QRICH1: variants seen among roughly 807,000 people sequenced by gnomAD.
QRICH1 encodes glutamine rich 1.
QRICH1 carries 16 observed loss-of-function variants against 87.1 expected under a neutral mutation model. The ratio of observed to expected loss-of-function variants is 0.18; its 90% CI spans 0.12 to 0.28. QRICH1 has a LOEUF of 0.28. QRICH1 is among the 10% of genes least tolerant of loss of function. QRICH1 has a pLI of 1.00. For synonymous variants in QRICH1, 367 were observed against 368.4 expected, an observed-to-expected ratio of 1.00 and a Z score of 0.05; for missense variants, 647 against 951.7, an observed-to-expected ratio of 0.68 and a Z score of 4.21.
chr3:49,067,102 T>C (rs1375160947), intron 2 of QRICH1, among the ~76,000 whole-genome samples: 1 of 152,132 alleles, frequency 6.6e-6, no homozygotes, highest in Admixed American at 6.6e-5. Context: ...AAATGGCTAA[T>C]GTGGCTAATG....
chr3:49,049,550 A>G (rs2093358174), intron 3 of QRICH1, among the ~76,000 whole-genome samples: 1 of 151,822 alleles, frequency 6.6e-6, no homozygotes, highest in African/African-American at 2.4e-5. Context: ...CAGGCTGGAG[A>G]GCAGTGGCAT....
intron 1 of QRICH1, among the ~76,000 whole-genome samples, chr3:49,087,923 T>C (rs778839778): frequency 6.6e-6 from 1 of 151,088 alleles, no homozygotes; most frequent in Non-Finnish European, 1.5e-5. Context: ...ATTGATTTTT[T>C]TTCCATGTGA....
chr3:49,089,359 C>T (rs1472894011), intron 1 of QRICH1, among the ~76,000 whole-genome samples: 1 of 152,102 alleles, frequency 6.6e-6, no homozygotes, highest in African/African-American at 2.4e-5. Flanking sequence ...TGCACCCGGC[C>T]ATGGTTCTAT....
chr3:49,045,162 A>G (rs569196214), intron 5 of QRICH1, among the ~76,000 whole-genome samples: 1 of 152,290 alleles, frequency 6.6e-6, no homozygotes, highest in Non-Finnish European at 1.5e-5. Flanking sequence ...ACCTAACTAC[A>G]TTGGTATATT....
intron 2 of QRICH1, among the ~76,000 whole-genome samples, chr3:49,075,671 T>C (rs1406074666): frequency 2.6e-5 from 4 of 152,060 alleles, no homozygotes; most frequent in African/African-American, 7.2e-5. Context: ...CTGGGCATGG[T>C]GGCTCACACC....
intron 1 of QRICH1, among the ~76,000 whole-genome samples, chr3:49,083,866 C>T (rs1257527946): frequency 6.7e-6 from 1 of 150,324 alleles, no homozygotes; most frequent in African/African-American, 2.4e-5. Flanking sequence ...GAGGCACAAT[C>T]TTGGCTCACT....
At chr3:49,082,475 A>G (rs1404668457) in intron 1 of QRICH1, among the ~76,000 whole-genome samples, 2 of 152,152 alleles carry the variant, frequency 1.3e-5, no homozygotes, top group African/African-American at 4.8e-5. Context: ...TAGTCCAAAT[A>G]TACATTTATT....
At chr3:49,091,562 T>C (rs1170855503) in intron 1 of QRICH1, among the ~76,000 whole-genome samples, 1 of 152,200 alleles carries the variant, frequency 6.6e-6, no homozygotes, top group Non-Finnish European at 1.5e-5. Flanking sequence ...TAGTTTGAAA[T>C]GGCAACATAA....
At chr3:49,034,588 A>G (rs1016114875) in intron 6 of QRICH1, among the ~76,000 whole-genome samples, 3 of 152,190 alleles carry the variant, frequency 2.0e-5, no homozygotes, top group African/African-American at 7.2e-5. Context: ...TTAGAAATAC[A>G]GGCGTGAACC....
chr3:49,077,386 T>C (rs2041971078), intron 1 of QRICH1, among the ~76,000 whole-genome samples: 1 of 152,130 alleles, frequency 6.6e-6, no homozygotes, highest in Admixed American at 6.6e-5. Flanking sequence ...GCAAAACTGC[T>C]CTGTGACCAT....
intron 2 of QRICH1, chr3:49,058,157 A>ATT: frequency 6.4e-5 from 24 of 372,796 alleles, no homozygotes; most frequent in South Asian, 1.3e-4. Flanking sequence ...AAAAAAAAAA[A>ATT]TTTTTTTTTT....
At chr3:49,038,981 C>G (rs1255698294) in intron 6 of QRICH1, among the ~76,000 whole-genome samples, 7 of 151,960 alleles carry the variant, frequency 4.6e-5, no homozygotes, top group Admixed American at 4.6e-4. Flanking sequence ...GAGCCAAGAT[C>G]GTGCCACTGC....
Position 49,081,714 on chromosome 3 carries a change from T to C in QRICH1, c.-21-4676A>G, listed in dbSNP as rs182867781. 2.6e-5 allele frequency among the ~76,000 whole-genome samples: 4 copies of C among 152,286 alleles called. No homozygotes were observed. In the East Asian group the frequency reaches 7.7e-4, roughly 29 times the overall value. On this transcript the variant is annotated intron_variant, in intron 1 of 9. Transcript: ENST00000395443. Reference sequence around the variant, plus strand: ...CAGGGTTTTGCCATGTTGCCCACGCTGTTCTCAAACTCCTGGGCTCAAGAG... The same window carrying C: ...CAGGGTTTTGCCATGTTGCCCACGCCGTTCTCAAACTCCTGGGCTCAAGAG...
chr3:49,040,105 G>A (rs2093301420), intron 6 of QRICH1, among the ~76,000 whole-genome samples: 1 of 152,128 alleles, frequency 6.6e-6, no homozygotes, highest in Non-Finnish European at 1.5e-5. Flanking sequence ...CATGGAAAAT[G>A]GGTACATGGG....
chr3:49,052,279 CACT>C (rs2093375473), intron 3 of QRICH1, among the ~76,000 whole-genome samples: 1 of 152,078 alleles, frequency 6.6e-6, no homozygotes, highest in African/African-American at 2.4e-5. Flanking sequence ...CGGAGAGCAG[CACT>C]ACTTTCTGAG....
chr3:49,056,619 A>G, intron 3 of QRICH1: 2 of 695,436 alleles, frequency 2.9e-6, no homozygotes, highest in Non-Finnish European at 4.7e-6. Context: ...CTTAAACCCA[A>G]AATGTCTCCA....
Position 49,088,298 on chromosome 3 carries a change from T to C in QRICH1, c.-22+5614A>G, listed in dbSNP as rs145132454. Among the ~76,000 whole-genome samples, 803 of 152,142 alleles carry C rather than the reference T, an allele frequency of 5.3e-3. 3 individuals carry two copies. The highest frequency in any genetic ancestry group is 0.024 in the Middle Eastern group (7 of 294). ...CTTTTGCCTGGGTTTTGTTTCTTTG[T>C]ATTTTTATTTTTTTGAGACGAAGTC... On this transcript the variant is annotated intron_variant, in intron 1 of 9. Coordinates refer to ENST00000395443, the MANE Select transcript of QRICH1 (RefSeq NM_198880.3).
At chr3:49,076,615 T>C (rs1180384628) in intron 2 of QRICH1, 94 bp downstream of exon 2, 12 of 1,171,546 alleles carry the variant, frequency 1.0e-5, no homozygotes, top group Non-Finnish European at 1.4e-5. Context: ...AAATAACCTA[T>C]AACATCCACA....
chr3:49,056,165 G>A (rs536910120), intron 3 of QRICH1, among the ~76,000 whole-genome samples: 3 of 152,078 alleles, frequency 2.0e-5, no homozygotes, highest in South Asian at 2.1e-4. Context: ...TAGTAGAGAC[G>A]TGGTTTCATC....
Sources: gnomAD v4.1 joint callset for allele counts (sites outside exome capture counted in the v4.1 genomes callset) on GRCh38, gnomAD v4.1.1 for gene constraint, MANE v1.5 for transcripts, NCBI Gene and HGNC (gene_info 2026-07-23, HGNC 2026-07-21) for gene names.